BCAS4: variants seen among roughly 807,000 people sequenced by gnomAD.
BCAS4 encodes the protein breast carcinoma-amplified sequence 4.
In BCAS4, 9 loss-of-function variants were observed where a neutral mutation model predicts 15.7. That is an observed-to-expected ratio of 0.57 (90% CI 0.34 to 1.00). The LOEUF (loss-of-function observed/expected upper bound fraction) is 1.00. Among genes scored for constraint, BCAS4 ranks in the 50% least tolerant of loss-of-function variants. The pLI, the probability that BCAS4 is intolerant of heterozygous loss-of-function variation, is 0.02. For synonymous variants in BCAS4, 101 were observed against 99.5 expected, an observed-to-expected ratio of 1.02 and a Z score of -0.09; for missense variants, 225 against 239.1, an observed-to-expected ratio of 0.94 and a Z score of 0.39.
intron 1 of BCAS4, among the ~76,000 whole-genome samples, chr20:50,816,080 C>G (rs1000191126): frequency 1.3e-5 from 2 of 152,214 alleles, no homozygotes; most frequent in South Asian, 4.1e-4. Context: ...GGCTGGAGTA[C>G]AGTGGCACAA....
chr20:50,813,699 T>TTTTTC (rs5841814), intron 1 of BCAS4, among the ~76,000 whole-genome samples: 1 of 145,768 alleles, frequency 6.9e-6, no homozygotes, highest in Non-Finnish European at 1.5e-5. Flanking sequence ...TTTTTTTTTT[T>TTTTTC]GTGCCAGCCC....
intron 4 of BCAS4, among the ~76,000 whole-genome samples, chr20:50,859,731 C>T (rs768640801): frequency 2.0e-5 from 3 of 151,994 alleles, no homozygotes; most frequent in Non-Finnish European, 2.9e-5. Flanking sequence ...GGTGGCCTGG[C>T]GCAGGTTGAG....
chr20:50,805,226 C>T (rs1418728143), intron 1 of BCAS4, among the ~76,000 whole-genome samples: 6 of 152,076 alleles, frequency 3.9e-5, no homozygotes, highest in African/African-American at 1.4e-4. Flanking sequence ...CAAAAGGAAA[C>T]ACTGCACCCG....
chr20:50,817,692 C>A (rs181996765), intron 1 of BCAS4, among the ~76,000 whole-genome samples: 5 of 152,214 alleles, frequency 3.3e-5, no homozygotes, highest in African/African-American at 1.2e-4. Context: ...AAACTCCTGA[C>A]CTCAGGTGAT....
chr20:50,875,447 C>T (rs1979874587), intron 4 of BCAS4, among the ~76,000 whole-genome samples: 1 of 152,092 alleles, frequency 6.6e-6, no homozygotes, highest in Non-Finnish European at 1.5e-5. Flanking sequence ...CTCCAGGCAG[C>T]ACAGATGGGT....
intron 4 of BCAS4, among the ~76,000 whole-genome samples, chr20:50,875,230 C>T (rs112992982): frequency 1.8e-4 from 28 of 152,332 alleles, no homozygotes; most frequent in African/African-American, 5.3e-4. Context: ...GTTTGACAGC[C>T]GTCATTCCAG....
intron 4 of BCAS4, among the ~76,000 whole-genome samples, chr20:50,874,108 T>C (rs1339616937): frequency 1.3e-5 from 2 of 152,126 alleles, no homozygotes; most frequent in African/African-American, 4.8e-5. Flanking sequence ...GTATTCTCTC[T>C]CCTGCTCTTC....
chr20:50,798,758 C>T (rs1023320574), intron 1 of BCAS4, among the ~76,000 whole-genome samples: 1 of 152,212 alleles, frequency 6.6e-6, no homozygotes, highest in African/African-American at 2.4e-5. Flanking sequence ...TCCTAGTGTC[C>T]CATGATGAAA....
At chr20:50,824,837 C>T (rs186584550) in intron 2 of BCAS4, among the ~76,000 whole-genome samples, 1 of 152,206 alleles carries the variant, frequency 6.6e-6, no homozygotes, top group Non-Finnish European at 1.5e-5. Context: ...TGATTTTTCA[C>T]AAGAAGTCAG....
chr20:50,836,276 C>T (rs1179171959), intron 3 of BCAS4, among the ~76,000 whole-genome samples: 1 of 152,182 alleles, frequency 6.6e-6, no homozygotes, highest in Non-Finnish European at 1.5e-5. Flanking sequence ...GAGGGACCTG[C>T]TGAGAACCTG....
intron 4 of BCAS4, among the ~76,000 whole-genome samples, chr20:50,850,960 C>T (rs1358533721): frequency 3.9e-5 from 6 of 152,264 alleles, no homozygotes; most frequent in African/African-American, 9.6e-5. Flanking sequence ...CTGCCCTGCC[C>T]GGGCTGCCTG....
chr20:50,818,370 T>A, intron 2 of BCAS4, 88 bp downstream of exon 2: 1 of 1,336,550 alleles, frequency 7.5e-7, no homozygotes, highest in Non-Finnish European at 1.0e-6. Flanking sequence ...ATTTTGGTGG[T>A]GAGTTAGCAA....
At chr20:50,858,557 G>A (rs1421165383) in intron 4 of BCAS4, among the ~76,000 whole-genome samples, 5 of 152,034 alleles carry the variant, frequency 3.3e-5, no homozygotes, top group Admixed American at 1.3e-4. Context: ...AGCCAAGATC[G>A]CGCCATTGTG....
chr20:50,875,943 T>C (rs1979911630), intron 4 of BCAS4: 1 of 456,138 alleles, frequency 2.2e-6, no homozygotes, highest in Non-Finnish European at 4.4e-6. Context: ...CATATTGATC[T>C]GCCTGGCTTT....
intron 3 of BCAS4, among the ~76,000 whole-genome samples, chr20:50,830,808 C>T (rs2088334477): frequency 6.6e-6 from 1 of 152,062 alleles, no homozygotes; most frequent in Admixed American, 6.6e-5. Context: ...ATTGATTGTG[C>T]CACTGTATTC....
intron 1 of BCAS4, 79 bp from the exon 2 acceptor site, chr20:50,818,132 T>TAA (rs5841815): frequency 1.1e-3 from 1,306 of 1,195,510 alleles, no homozygotes; most frequent in Non-Finnish European, 1.3e-3. Context: ...TAGTTTGCTT[T>TAA]AAAAAAAAAA....
In BCAS4 at chr20:50,795,344, C is replaced by A. The variant is rs551994531; in HGVS notation, c.90+171C>A. 3.9e-5 allele frequency among the ~76,000 whole-genome samples: 6 copies of A among 152,270 alleles called. No homozygotes were observed. In the East Asian group the frequency reaches 9.7e-4, roughly 25 times the overall value. ...CGCCACGCAGAGATGTGCAGCGGGT[C>A]GTCCCTGCTCGCTCCTCCGGGCGAC... On this transcript the variant is annotated intron_variant, in intron 1 of 4. Coordinates refer to ENST00000371608, the MANE Select transcript of BCAS4 (RefSeq NM_198799.4).
chr20:50,814,221 G>A (rs67721023), intron 1 of BCAS4, among the ~76,000 whole-genome samples: 33,830 of 152,042 alleles, frequency 0.22, 5,299 homozygotes, highest in African/African-American at 0.45. Flanking sequence ...TAGATACCAG[G>A]GGGTGAGGTG....
intron 1 of BCAS4, 117 bp from the exon 2 acceptor site, chr20:50,818,094 C>A: frequency 1.1e-6 from 1 of 910,712 alleles, no homozygotes; most frequent in South Asian, 1.5e-5. Context: ...GGGGGTCGAG[C>A]AGGAACCGGG....
Sources: gnomAD v4.1 joint callset for allele counts (sites outside exome capture counted in the v4.1 genomes callset) on GRCh38, gnomAD v4.1.1 for gene constraint, MANE v1.5 for transcripts, NCBI Gene and HGNC (gene_info 2026-07-23, HGNC 2026-07-21) for gene names.